Variants in CCDC85A observed in about 807,000 individuals in gnomAD.
The protein encoded by CCDC85A is coiled-coil domain-containing protein 85A.
A neutral mutation model predicts 50.2 loss-of-function variants in CCDC85A; 38 were observed. That is an observed-to-expected ratio of 0.76 (90% CI 0.58 to 0.99). The LOEUF (loss-of-function observed/expected upper bound fraction) is 0.99. Among genes scored for constraint, CCDC85A ranks in the 50% least tolerant of loss-of-function variants. The pLI is 0.00. For synonymous variants in CCDC85A, 366 were observed against 301.4 expected (o/e 1.21, Z -2.22); for missense variants, 820 against 742.0 (o/e 1.11, Z -1.22).
chr2:56,256,637 T>C lies in CCDC85A; in HGVS notation c.1240+63197T>C, dbSNP rs568780082. On this transcript the variant is annotated intron_variant, in intron 2 of 5. Coordinates refer to ENST00000407595, the MANE Select transcript of CCDC85A (RefSeq NM_001080433.2). ...AATTCAAAGTAGGGCAGGCCCTTTT[T>C]ATCCTCATTTAGGAGCCCTGCAGTT... is the stretch of plus-strand genomic sequence containing the variant. Among the ~76,000 whole-genome samples, 12 of 152,358 alleles carry C rather than the reference T, an allele frequency of 7.9e-5. No homozygotes were observed. In the South Asian group the frequency reaches 2.5e-3, roughly 32 times the overall value.
chr2:56,218,602 TCTTA>T (rs1668190164), intron 2 of CCDC85A, among the ~76,000 whole-genome samples: 1 of 151,914 alleles, frequency 6.6e-6, no homozygotes, highest in Non-Finnish European at 1.5e-5. Context: ...TAAATTTACA[TCTTA>T]CTTATTACCT....
intron 2 of CCDC85A, among the ~76,000 whole-genome samples, chr2:56,240,005 T>G (rs2103962432): frequency 6.6e-6 from 1 of 152,248 alleles, no homozygotes; most frequent in South Asian, 2.1e-4. Flanking sequence ...TTTTTCAAAC[T>G]TGGGGTATAA....
intron 2 of CCDC85A, among the ~76,000 whole-genome samples, chr2:56,225,078 C>G (rs562426237): frequency 3.0e-5 from 2 of 67,608 alleles, no homozygotes; most frequent in Non-Finnish European, 5.8e-5. Flanking sequence ...GTCTACAATC[C>G]ATTTTTGTTC....
chr2:56,327,225 G>T (rs1673515980), intron 2 of CCDC85A, among the ~76,000 whole-genome samples: 1 of 152,162 alleles, frequency 6.6e-6, no homozygotes, highest in South Asian at 2.1e-4. Flanking sequence ...ATTGTAAAAT[G>T]CATGGCAATT....
chr2:56,311,174 A>G (rs1002662182), intron 2 of CCDC85A, among the ~76,000 whole-genome samples: 3 of 152,126 alleles, frequency 2.0e-5, no homozygotes, highest in African/African-American at 7.2e-5. Flanking sequence ...CCCTGGTGAT[A>G]AGGCTGACAG....
At chr2:56,375,159 A>G (rs1214177919) in intron 4 of CCDC85A, among the ~76,000 whole-genome samples, 1 of 152,234 alleles carries the variant, frequency 6.6e-6, no homozygotes, top group East Asian at 1.9e-4. Context: ...CTTGTACAGA[A>G]GAATGTGGCC....
chr2:56,334,112 A>G (rs749601778), intron 2 of CCDC85A, among the ~76,000 whole-genome samples: 6 of 152,144 alleles, frequency 3.9e-5, no homozygotes, highest in African/African-American at 1.4e-4. Flanking sequence ...GTCTTCCCCA[A>G]ATCTCTCTAT....
chr2:56,339,124 G>A (rs1244249900), intron 2 of CCDC85A, among the ~76,000 whole-genome samples: 4 of 152,188 alleles, frequency 2.6e-5, no homozygotes, highest in Non-Finnish European at 5.9e-5. Flanking sequence ...TGCAATAACT[G>A]GCTTTATCTT....
At chr2:56,373,362 A>G (rs2104393228) in intron 4 of CCDC85A, among the ~76,000 whole-genome samples, 1 of 151,734 alleles carries the variant, frequency 6.6e-6, no homozygotes, top group East Asian at 1.9e-4. Context: ...CCCATTTTTT[A>G]AAGAAAACTA....
intron 2 of CCDC85A, among the ~76,000 whole-genome samples, chr2:56,299,678 C>A (rs190358204): frequency 6.6e-6 from 1 of 152,224 alleles, no homozygotes; most frequent in East Asian, 1.9e-4. Context: ...GGGCTGTCAT[C>A]AGTGAATACC....
Position 56,375,889 on chromosome 2 carries a change from A to T in CCDC85A, c.1526A>T (p.His509Leu), listed in dbSNP as rs1230473752. ...AACTCTGCAGCTAGCTTCAGTGGAC[A>T]TGCCACACCTTCCCAGCAGCCTGAA... ...SPNSAASFSG[H>L]ATPSQQPEPV... Residue 509 changes from histidine to leucine, a missense_variant, in exon 5 of 6, where the codon CAT becomes CTT. Physicochemically the swap from His to Leu is moderately conservative, Grantham distance 99. Coordinates refer to ENST00000407595, the MANE Select transcript of CCDC85A (RefSeq NM_001080433.2). 1.2e-6 allele frequency: 2 copies of T among 1,613,718 alleles called. No individual in the cohort carries two copies. Among genetic ancestry groups the T allele is most frequent in the South Asian group, 2.2e-5 (2 of 91,080 alleles).
chr2:56,213,909 T>C (rs1677286467), intron 2 of CCDC85A, among the ~76,000 whole-genome samples: 1 of 151,804 alleles, frequency 6.6e-6, no homozygotes, highest in Non-Finnish European at 1.5e-5. Context: ...CCCTGTATAG[T>C]GAATTGTAAT....
chr2:56,362,813 T>G (rs555867332), intron 3 of CCDC85A, among the ~76,000 whole-genome samples: 4 of 151,966 alleles, frequency 2.6e-5, no homozygotes, highest in South Asian at 4.2e-4. Context: ...TAGTGGAGAC[T>G]GGGTTTTGCC....
intron 2 of CCDC85A, among the ~76,000 whole-genome samples, chr2:56,330,255 A>T (rs1399530031): frequency 6.6e-6 from 1 of 152,106 alleles, no homozygotes; most frequent in Admixed American, 6.6e-5. Context: ...TATAGTCCCC[A>T]GTTCTGTCGC....
At chr2:56,223,507 C>T (rs545491650) in intron 2 of CCDC85A, among the ~76,000 whole-genome samples, 7 of 152,230 alleles carry the variant, frequency 4.6e-5, no homozygotes, top group African/African-American at 1.7e-4. Flanking sequence ...CTCAATAATT[C>T]TATCTCACTT....
Position 56,311,596 on chromosome 2 carries a change from C to T in CCDC85A, c.1241-31283C>T, listed in dbSNP as rs548588393. 1.6e-3 allele frequency among the ~76,000 whole-genome samples: 238 copies of T among 152,108 alleles called. 2 individuals are homozygous for T. Among genetic ancestry groups the T allele is most frequent in the African/African-American group, 5.6e-3 (232 of 41,520 alleles). ...ACTCATCATTTAGCATTAGGTATAT[C>T]TCCTAATGCTATATGACTTTGCAGT... On this transcript the variant is annotated intron_variant, in intron 2 of 5. Coordinates refer to ENST00000407595, the MANE Select transcript of CCDC85A (RefSeq NM_001080433.2).
intron 2 of CCDC85A, among the ~76,000 whole-genome samples, chr2:56,339,430 A>T (rs1001298261): frequency 6.6e-6 from 1 of 152,206 alleles, no homozygotes; most frequent in African/African-American, 2.4e-5. Flanking sequence ...ATACTTTCAT[A>T]ATATAAATAG....
intron 2 of CCDC85A, among the ~76,000 whole-genome samples, chr2:56,339,473 C>T (rs1035888658): frequency 2.0e-5 from 3 of 152,048 alleles, no homozygotes; most frequent in African/African-American, 7.2e-5. Context: ...ATATAAACTG[C>T]AAAGATTTTG....
intron 3 of CCDC85A, among the ~76,000 whole-genome samples, chr2:56,349,981 A>G (rs1558653479): frequency 6.6e-6 from 1 of 151,782 alleles, no homozygotes; most frequent in Non-Finnish European, 1.5e-5. Flanking sequence ...GATACTTATG[A>G]GAAGCAATAC....
Sources: gnomAD v4.1 joint callset for allele counts (sites outside exome capture counted in the v4.1 genomes callset) on GRCh38, gnomAD v4.1.1 for gene constraint, MANE v1.5 for transcripts, NCBI Gene and HGNC (gene_info 2026-07-23, HGNC 2026-07-21) for gene names.